PTPRM: variants seen among roughly 807,000 people sequenced by gnomAD.
PTPRM encodes protein tyrosine phosphatase receptor type M, also known as receptor-type tyrosine-protein phosphatase mu.
A neutral mutation model predicts 186.7 loss-of-function variants in PTPRM; 47 were observed. That is an observed-to-expected ratio of 0.25 (90% CI 0.20 to 0.32). The LOEUF (loss-of-function observed/expected upper bound fraction) is 0.32, where lower values mean the gene tolerates loss of function less well. Among genes scored for constraint, PTPRM ranks in the 10% least tolerant of loss-of-function variants. The pLI, the probability that PTPRM is intolerant of heterozygous loss-of-function variation, is 1.00. For synonymous variants in PTPRM, 668 were observed against 674.9 expected (o/e 0.99, Z 0.16); for missense variants, 1,494 against 1,865.0 (o/e 0.80, Z 3.66).
chr18:7,738,303 C>T (rs1181226516), intron 1 of PTPRM, among the ~76,000 whole-genome samples: 1 of 152,194 alleles, frequency 6.6e-6, no homozygotes, highest in Non-Finnish European at 1.5e-5. Flanking sequence ...AAAGCATTTT[C>T]TGCATTCTGC....
At chr18:7,623,584 T>C (rs1172825394) in intron 1 of PTPRM, among the ~76,000 whole-genome samples, 1 of 152,204 alleles carries the variant, frequency 6.6e-6, no homozygotes, top group African/African-American at 2.4e-5. Flanking sequence ...ACTTTAATAC[T>C]ATTCCATAAT....
At chr18:7,761,504 C>T (rs765724214) in intron 1 of PTPRM, among the ~76,000 whole-genome samples, 3 of 152,112 alleles carry the variant, frequency 2.0e-5, no homozygotes, top group Non-Finnish European at 4.4e-5. Context: ...AGCCTTATTA[C>T]GCACATTCTT....
chr18:8,121,417 G>A (rs1349171721), intron 13 of PTPRM, among the ~76,000 whole-genome samples: 1 of 152,066 alleles, frequency 6.6e-6, no homozygotes, highest in Non-Finnish European at 1.5e-5. Flanking sequence ...GCTGTATCAT[G>A]TTAGAACTGA....
chr18:8,376,004 T>A, intron 24 of PTPRM, 42 bp from the exon 25 acceptor site: 8 of 1,571,220 alleles, frequency 5.1e-6, no homozygotes, highest in Non-Finnish European at 7.0e-6. Flanking sequence ...TGGTTTGTTT[T>A]CCCTTGTTCT....
At chr18:8,125,557 T>A (rs577577902) in intron 13 of PTPRM, among the ~76,000 whole-genome samples, 1 of 152,134 alleles carries the variant, frequency 6.6e-6, no homozygotes, top group Non-Finnish European at 1.5e-5. Context: ...AAAATTCTGG[T>A]TGCTGCCTTC....
chr18:7,769,167 T>C (rs1438918803), intron 1 of PTPRM, among the ~76,000 whole-genome samples: 1 of 152,136 alleles, frequency 6.6e-6, no homozygotes, highest in Non-Finnish European at 1.5e-5. Context: ...AAGATAGTTC[T>C]CTCTGAATTT....
intron 9 of PTPRM, among the ~76,000 whole-genome samples, chr18:8,080,504 C>T (rs1317267245): frequency 6.6e-6 from 1 of 152,156 alleles, no homozygotes; most frequent in East Asian, 1.9e-4. Flanking sequence ...GGACTCAATA[C>T]ATGAGTGTGT....
At chr18:7,653,575 G>A (rs2038776411) in intron 1 of PTPRM, among the ~76,000 whole-genome samples, 1 of 152,030 alleles carries the variant, frequency 6.6e-6, no homozygotes. Context: ...TGTTTTACTT[G>A]GTTTTCTGTT....
chr18:7,826,551 CAGAA>C, intron 2 of PTPRM, among the ~76,000 whole-genome samples: 1 of 152,224 alleles, frequency 6.6e-6, no homozygotes, highest in East Asian at 1.9e-4. Flanking sequence ...CCTTGAAAAG[CAGAA>C]AGAAATTAAA....
At chr18:7,772,084 T>A (rs2042293527) in intron 1 of PTPRM, among the ~76,000 whole-genome samples, 1 of 152,190 alleles carries the variant, frequency 6.6e-6, no homozygotes, top group South Asian at 2.1e-4. Context: ...GCCCGTTGAA[T>A]TCTAAACAGC....
At chr18:8,137,473 G>T (rs73389709) in intron 13 of PTPRM, among the ~76,000 whole-genome samples, 3,736 of 152,252 alleles carry the variant, frequency 0.025, 134 homozygotes, top group African/African-American at 0.085. Context: ...GAGGCTCCAG[G>T]CCTGGGTGGG....
intron 1 of PTPRM, among the ~76,000 whole-genome samples, chr18:7,579,679 A>G (rs549306069): frequency 5.8e-4 from 88 of 152,356 alleles, no homozygotes; most frequent in African/African-American, 2.0e-3. Context: ...TAATCAGAAC[A>G]CAGATGATTT....
chr18:8,148,475 CTG>C (rs2092932294), intron 14 of PTPRM, among the ~76,000 whole-genome samples: 1 of 152,112 alleles, frequency 6.6e-6, no homozygotes, highest in Non-Finnish European at 1.5e-5. Flanking sequence ...ATTTGTATTT[CTG>C]TGGGATCAGT....
At chr18:7,866,330 G>A (rs138790432) in intron 2 of PTPRM, among the ~76,000 whole-genome samples, 13,076 of 151,962 alleles carry the variant, frequency 0.086, 763 homozygotes, top group African/African-American at 0.18. Flanking sequence ...ATTTAGTGCT[G>A]TAAATTTCCC....
intron 1 of PTPRM, chr18:7,754,653 T>C (rs1247282787): frequency 6.6e-6 from 1 of 152,206 alleles, no homozygotes; most frequent in Non-Finnish European, 1.5e-5. Flanking sequence ...CATAGCATCC[T>C]TGTATCAGTG....
intron 23 of PTPRM, among the ~76,000 whole-genome samples, chr18:8,355,974 G>A (rs1227470371): frequency 6.6e-6 from 1 of 152,152 alleles, no homozygotes; most frequent in Non-Finnish European, 1.5e-5. Flanking sequence ...CCCAAAGGTT[G>A]GTTCATGTGC....
intron 7 of PTPRM, among the ~76,000 whole-genome samples, chr18:7,986,675 A>G (rs1568135865): frequency 6.6e-6 from 1 of 152,114 alleles, no homozygotes. Context: ...TAAATTTAGC[A>G]AATGTTTTAA....
chr18:7,772,367 CTT>C (rs1265744778), intron 1 of PTPRM, among the ~76,000 whole-genome samples: 3 of 88,778 alleles, frequency 3.4e-5, no homozygotes, highest in African/African-American at 1.2e-4. Context: ...TTCTTTCTTT[CTT>C]TCTTTCTTTC....
intron 1 of PTPRM, among the ~76,000 whole-genome samples, chr18:7,631,754 C>T (rs904921602): frequency 6.6e-6 from 1 of 152,164 alleles, no homozygotes; most frequent in African/African-American, 2.4e-5. Flanking sequence ...AAAGACCGGG[C>T]ACCCCTGGTC....
Sources: allele counts gnomAD v4.1 joint callset (sites outside exome capture counted in the v4.1 genomes callset), GRCh38; gene constraint gnomAD v4.1.1; transcripts MANE v1.5; gene names NCBI Gene and HGNC (gene_info 2026-07-23, HGNC 2026-07-21).